STXBP5L: variants seen among roughly 807,000 people sequenced by gnomAD.
STXBP5L encodes the protein syntaxin binding protein 5L, also known as syntaxin-binding protein 5-like.
Under a neutral mutation model 144.5 loss-of-function variants are expected in STXBP5L, and 65 were observed. That is an observed-to-expected ratio of 0.45 (90% CI 0.37 to 0.55). The LOEUF is 0.55. STXBP5L is among the 20% of genes least tolerant of loss of function. The pLI, the probability that STXBP5L is intolerant of heterozygous loss-of-function variation, is 0.00. For synonymous variants in STXBP5L, 505 were observed against 469.6 expected (o/e 1.08, Z -0.97); for missense variants, 1,298 against 1,405.5 (o/e 0.92, Z 1.22).
At chr3:121,134,088 A>T (rs77260954) in intron 7 of STXBP5L, among the ~76,000 whole-genome samples, 2,938 of 152,312 alleles carry the variant, frequency 0.019, 90 homozygotes, top group African/African-American at 0.066. Context: ...TGAGAAATTC[A>T]TAAAGAAAAG....
chr3:121,341,542 G>T (rs1553771144), intron 20 of STXBP5L, among the ~76,000 whole-genome samples: 1 of 152,070 alleles, frequency 6.6e-6, no homozygotes, highest in Non-Finnish European at 1.5e-5. Flanking sequence ...AAGGAAATTT[G>T]TATATGGAAG....
intron 5 of STXBP5L, among the ~76,000 whole-genome samples, chr3:121,084,858 A>G (rs974803971): frequency 6.6e-6 from 1 of 152,186 alleles, no homozygotes; most frequent in Non-Finnish European, 1.5e-5. Flanking sequence ...CTATTTCTCC[A>G]CAGTCTCGCC....
intron 5 of STXBP5L, among the ~76,000 whole-genome samples, chr3:121,095,770 C>T (rs527804167): frequency 1.3e-5 from 2 of 152,072 alleles, no homozygotes; most frequent in Non-Finnish European, 2.9e-5. Context: ...TCGTCTGAAG[C>T]CTTCTTCTCT....
intron 3 of STXBP5L, among the ~76,000 whole-genome samples, chr3:120,994,763 G>T (rs774415192): frequency 4.6e-5 from 7 of 151,852 alleles, no homozygotes; most frequent in Non-Finnish European, 8.8e-5. Context: ...TGGTTTTCTG[G>T]TTTTTTTAAT....
chr3:121,419,155 C>A lies in STXBP5L; in HGVS notation c.*58C>A. The A allele has an allele frequency of 6.5e-7, 1 of 1,530,956 alleles. No individual in the cohort carries two copies. 94.8% of individuals were successfully genotyped at this position (1,530,956 alleles called of 1,614,324 possible). ...CATATTCAGGGAAACCAAATTTATT[C>A]CCAGCATCACTACTCAACTGCTAGA... On this transcript the variant is annotated 3_prime_UTR_variant, in exon 27 of 27. Transcript: ENST00000471454.
At chr3:121,084,783 A>G (rs1481687616) in intron 5 of STXBP5L, among the ~76,000 whole-genome samples, 2 of 152,186 alleles carry the variant, frequency 1.3e-5, no homozygotes, top group South Asian at 2.1e-4. Context: ...GAATCACCAT[A>G]CTGTCTTCCA....
chr3:121,076,150 C>T lies in STXBP5L; in HGVS notation c.470+30615C>T, dbSNP rs112873381. ...CAAATAAATTTGTTTCTGTGTTTCT[C>T]GGAGGGGCACCTGCATTGCTTGGGC... On this transcript the variant is annotated intron_variant, in intron 5 of 26. Transcript: ENST00000471454. Among the ~76,000 whole-genome samples the T allele has an allele frequency of 2.8e-3, 432 of 152,242 alleles. 1 individual carries two copies. Among genetic ancestry groups the T allele is most frequent in the African/African-American group, 0.01 (417 of 41,552 alleles).
chr3:121,344,174 G>A (rs111561803), intron 20 of STXBP5L, among the ~76,000 whole-genome samples: 1 of 152,040 alleles, frequency 6.6e-6, no homozygotes. Flanking sequence ...AATAAATGGT[G>A]CTGGGAAAAC....
At chr3:120,984,135 C>A (rs951003468) in intron 3 of STXBP5L, among the ~76,000 whole-genome samples, 1 of 152,190 alleles carries the variant, frequency 6.6e-6, no homozygotes. Context: ...AGACTCTTCT[C>A]TTAGACTCAT....
At chr3:121,081,636 T>A (rs915008991) in intron 5 of STXBP5L, among the ~76,000 whole-genome samples, 1 of 152,318 alleles carries the variant, frequency 6.6e-6, no homozygotes, top group Admixed American at 6.5e-5. Context: ...CTTATTTAAT[T>A]TTTCCCTAGT....
intron 5 of STXBP5L, among the ~76,000 whole-genome samples, chr3:121,052,829 T>C (rs930245759): frequency 2.0e-5 from 3 of 152,188 alleles, no homozygotes; most frequent in African/African-American, 7.2e-5. Context: ...GATGACATGA[T>C]TGTGTATCTA....
intron 19 of STXBP5L, among the ~76,000 whole-genome samples, chr3:121,316,891 A>G (rs937424120): frequency 6.6e-6 from 1 of 152,130 alleles, no homozygotes; most frequent in Non-Finnish European, 1.5e-5. Flanking sequence ...TTCTAGTTCT[A>G]GCAGCCTCCT....
chr3:120,952,482 G>T (rs1437873874), intron 2 of STXBP5L, among the ~76,000 whole-genome samples: 1 of 151,674 alleles, frequency 6.6e-6, no homozygotes, highest in Non-Finnish European at 1.5e-5. Context: ...TTTATTGTTA[G>T]TATGCAGGAA....
Position 121,136,410 on chromosome 3 carries a change from A to T in STXBP5L, c.669+14706A>T, listed in dbSNP as rs946902259. Among the ~76,000 whole-genome samples, 33 of 152,170 alleles carry T rather than the reference A, an allele frequency of 2.2e-4. 1 individual carries two copies. Among genetic ancestry groups the T allele is most frequent in the Non-Finnish European group, 4.7e-4 (32 of 68,028 alleles). On this transcript the variant is annotated intron_variant, in intron 7 of 26. Coordinates refer to ENST00000471454, the MANE Select transcript of STXBP5L (RefSeq NM_001308330.2). ...ATGGGCCCCAGCAAAGCAGACTCAG[A>T]ACTCAACCAACATCACTTCTTGCCT...
chr3:121,329,679 G>A (rs2044260332), intron 20 of STXBP5L, among the ~76,000 whole-genome samples: 1 of 152,064 alleles, frequency 6.6e-6, no homozygotes, highest in Admixed American at 6.6e-5. Flanking sequence ...TGACCAACAT[G>A]GTGAAACCTC....
chr3:121,324,360 T>C, intron 20 of STXBP5L: 1 of 542,298 alleles, frequency 1.8e-6, no homozygotes, highest in South Asian at 2.7e-5. Context: ...TTTATCTTTA[T>C]TTTAGATAAG....
Position 121,099,948 on chromosome 3 carries a change from A to G in STXBP5L, c.471-14977A>G, listed in dbSNP as rs551017083. ...AATCGAAAACAAAAAAGTAGTTCCTATTCTCATATCAGATAAAACAGACTT... is the reference window on the plus strand; with the variant it reads ...AATCGAAAACAAAAAAGTAGTTCCTGTTCTCATATCAGATAAAACAGACTT... On this transcript the variant is annotated intron_variant, in intron 5 of 26. Coordinates refer to ENST00000471454, the MANE Select transcript of STXBP5L (RefSeq NM_001308330.2). Among the ~76,000 whole-genome samples, 71 of 152,330 alleles carry G rather than the reference A, an allele frequency of 4.7e-4. 1 individual carries two copies. The highest frequency in any genetic ancestry group is 6.8e-3 in the Middle Eastern group (2 of 294).
At chr3:120,987,576 C>T (rs375060956) in intron 3 of STXBP5L, among the ~76,000 whole-genome samples, 43 of 151,818 alleles carry the variant, frequency 2.8e-4, no homozygotes, top group South Asian at 1.0e-3. Context: ...TGTATTTTCA[C>T]CCTCTTAACT....
In STXBP5L at chr3:121,037,360, G is replaced by A. The variant is rs1340403876; in HGVS notation, c.288-4340G>A. Reference sequence around the variant, plus strand: ...ATTTCTGGACTTAAGCAATCTTCTTGCCTCACCGTCCTTACTATCTGGGAT... The same window carrying A: ...ATTTCTGGACTTAAGCAATCTTCTTACCTCACCGTCCTTACTATCTGGGAT... On this transcript the variant is annotated intron_variant, in intron 3 of 26. Transcript: ENST00000471454. Among the ~76,000 whole-genome samples the A allele has an allele frequency of 2.0e-5, 3 of 150,090 alleles. No individual in the cohort carries two copies. In the East Asian group the frequency reaches 5.9e-4, roughly 30 times the overall value.
Sources: allele counts gnomAD v4.1 joint callset (sites outside exome capture counted in the v4.1 genomes callset), GRCh38; gene constraint gnomAD v4.1.1; transcripts MANE v1.5; gene names NCBI Gene and HGNC (gene_info 2026-07-23, HGNC 2026-07-21).